GULP1: variants seen among roughly 807,000 people sequenced by gnomAD.
GULP1 encodes PTB domain-containing engulfment adapter protein 1.
GULP1 carries 19 observed loss-of-function variants against 40.9 expected under a neutral mutation model. The ratio of observed to expected loss-of-function variants is 0.46; its 90% CI spans 0.32 to 0.68. The LOEUF (loss-of-function observed/expected upper bound fraction) is 0.68, where lower values mean the gene tolerates loss of function less well. Ranked by LOEUF, GULP1 falls within the 30% of genes least tolerant of loss-of-function variation. GULP1 has a pLI of 0.03. For synonymous variants in GULP1, 119 were observed against 117.6 expected (o/e 1.01, Z -0.08); for missense variants, 312 against 362.2 (o/e 0.86, Z 1.12).
At chr2:188,293,499 G>A (rs570668637) in intron 1 of GULP1, among the ~76,000 whole-genome samples, 2 of 152,308 alleles carry the variant, frequency 1.3e-5, no homozygotes, top group South Asian at 2.1e-4. Context: ...GCTAAAGTAA[G>A]GGAGATTATT....
At chr2:188,363,682 G>A (rs13389879) in intron 1 of GULP1, among the ~76,000 whole-genome samples, 30,638 of 151,960 alleles carry the variant, frequency 0.2, 3,289 homozygotes, top group African/African-American at 0.26. Flanking sequence ...ATATTAGGTC[G>A]GAGCAATAGT....
intron 4 of GULP1, among the ~76,000 whole-genome samples, chr2:188,504,243 C>T (rs1400202250): frequency 6.6e-6 from 1 of 151,920 alleles, no homozygotes; most frequent in African/African-American, 2.4e-5. Context: ...AAAACTGACA[C>T]GATGTCATGA....
intron 1 of GULP1, among the ~76,000 whole-genome samples, chr2:188,379,279 C>CT (rs938616186): frequency 5.0e-4 from 76 of 152,162 alleles, no homozygotes; most frequent in African/African-American, 1.8e-3. Flanking sequence ...TCCGCTATCG[C>CT]TTTTTTCATT....
intron 2 of GULP1, among the ~76,000 whole-genome samples, chr2:188,425,091 C>T (rs1168339162): frequency 6.6e-6 from 1 of 151,952 alleles, no homozygotes; most frequent in Non-Finnish European, 1.5e-5. Context: ...CCAATCTTAT[C>T]ATTACTAACA....
chr2:188,493,655 G>A (rs746423746), intron 4 of GULP1, among the ~76,000 whole-genome samples: 2 of 152,024 alleles, frequency 1.3e-5, no homozygotes, highest in Admixed American at 1.3e-4. Context: ...GCTTATGAGA[G>A]TCTTCAATAA....
intron 9 of GULP1, among the ~76,000 whole-genome samples, chr2:188,573,636 CTG>C (rs113536230): frequency 0.098 from 14,889 of 152,076 alleles, 1,626 homozygotes; most frequent in African/African-American, 0.27. Flanking sequence ...AAATAGGACT[CTG>C]TGGGTTTTAT....
At chr2:188,523,602 C>T (rs575856050) in intron 5 of GULP1, among the ~76,000 whole-genome samples, 6 of 152,006 alleles carry the variant, frequency 3.9e-5, no homozygotes, top group African/African-American at 1.4e-4. Flanking sequence ...TAGTTGCTCT[C>T]GTATTTTTGG....
chr2:188,574,686 G>A (rs1699811151), intron 9 of GULP1, among the ~76,000 whole-genome samples: 2 of 151,920 alleles, frequency 1.3e-5, no homozygotes, highest in South Asian at 4.2e-4. Context: ...AACAAAACTT[G>A]GCTAGATAAC....
intron 1 of GULP1, among the ~76,000 whole-genome samples, chr2:188,355,106 G>T (rs1453337070): frequency 6.6e-6 from 1 of 151,840 alleles, no homozygotes; most frequent in Non-Finnish European, 1.5e-5. Flanking sequence ...AGATTTCAAA[G>T]AAACAACCTA....
chr2:188,488,925 T>A (rs1302996865), intron 4 of GULP1, among the ~76,000 whole-genome samples: 1 of 152,016 alleles, frequency 6.6e-6, no homozygotes, highest in Admixed American at 6.6e-5. Flanking sequence ...TAGGGAGTTT[T>A]ACAAGTAATC....
At chr2:188,519,825 A>G (rs2065555083) in intron 4 of GULP1, among the ~76,000 whole-genome samples, 2 of 151,984 alleles carry the variant, frequency 1.3e-5, no homozygotes, top group South Asian at 4.1e-4. Flanking sequence ...TTTTTTTTAA[A>G]TTGAGACAGG....
chr2:188,412,405 T>G (rs2054015731), intron 2 of GULP1, among the ~76,000 whole-genome samples: 1 of 152,180 alleles, frequency 6.6e-6, no homozygotes, highest in African/African-American at 2.4e-5. Context: ...TGACCCCAGC[T>G]AACACTGTAA....
chr2:188,591,201 A>T (rs760628260), intron 11 of GULP1: 4 of 152,096 alleles, frequency 2.6e-5, no homozygotes, highest in Non-Finnish European at 5.9e-5. Flanking sequence ...GTCTAATCAA[A>T]GTAAACATAT....
chr2:188,322,154 G>A (rs919631419), intron 1 of GULP1, among the ~76,000 whole-genome samples: 1 of 152,078 alleles, frequency 6.6e-6, no homozygotes, highest in Non-Finnish European at 1.5e-5. Context: ...TAATTTGCAG[G>A]GGTTTCAGGT....
intron 1 of GULP1, among the ~76,000 whole-genome samples, chr2:188,329,614 T>C (rs937886200): frequency 2.6e-5 from 4 of 152,116 alleles, no homozygotes; most frequent in Non-Finnish European, 2.9e-5. Flanking sequence ...TTATAGGGCA[T>C]ATACTCAGAA....
intron 7 of GULP1, among the ~76,000 whole-genome samples, chr2:188,551,975 G>A (rs985786434): frequency 4.0e-5 from 6 of 151,468 alleles, no homozygotes; most frequent in African/African-American, 1.5e-4. Flanking sequence ...GTCTTCCTCC[G>A]GGAAATGTCT....
chr2:188,564,724 A>C (rs1697225523), intron 7 of GULP1, among the ~76,000 whole-genome samples: 2 of 152,094 alleles, frequency 1.3e-5, no homozygotes, highest in South Asian at 2.1e-4. Context: ...GTTATTTCTA[A>C]TAAGGTAATG....
intron 1 of GULP1, among the ~76,000 whole-genome samples, chr2:188,299,522 C>G (rs905720971): frequency 2.0e-5 from 3 of 152,198 alleles, no homozygotes; most frequent in Non-Finnish European, 4.4e-5. Context: ...CCCCCCTTCT[C>G]ATTCTGGGAA....
At chr2:188,443,768 C>T (rs2058148753) in intron 2 of GULP1, among the ~76,000 whole-genome samples, 2 of 151,116 alleles carry the variant, frequency 1.3e-5, no homozygotes, top group South Asian at 2.1e-4. Context: ...CTCACTGCCA[C>T]CTCCGCCTCC....
Sources: gnomAD v4.1 joint callset for allele counts (sites outside exome capture counted in the v4.1 genomes callset) on GRCh38, gnomAD v4.1.1 for gene constraint, MANE v1.5 for transcripts, NCBI Gene and HGNC (gene_info 2026-07-23, HGNC 2026-07-21) for gene names.